SLIT3: variants seen among roughly 807,000 people sequenced by gnomAD.
SLIT3 encodes slit guidance ligand 3.
A neutral mutation model predicts 184.0 loss-of-function variants in SLIT3; 68 were observed. The observed-to-expected ratio is 0.37, with a 90% CI of 0.30 to 0.45. The LOEUF (loss-of-function observed/expected upper bound fraction) is 0.45, where lower values mean the gene tolerates loss of function less well. SLIT3 is among the 20% of genes least tolerant of loss of function. The pLI is 1.00. For synonymous variants in SLIT3, 831 were observed against 828.6 expected (o/e 1.00, Z -0.05); for missense variants, 1,707 against 2,026.0 (o/e 0.84, Z 3.02).
At chr5:169,209,607 T>C (rs1413877782) in intron 3 of SLIT3, among the ~76,000 whole-genome samples, 1 of 152,216 alleles carries the variant, frequency 6.6e-6, no homozygotes, top group Non-Finnish European at 1.5e-5. Flanking sequence ...TGTGGAATAC[T>C]ATGCAGCCAT....
intron 4 of SLIT3, among the ~76,000 whole-genome samples, chr5:169,159,070 G>T (rs1762395288): frequency 6.6e-6 from 1 of 151,576 alleles, no homozygotes; most frequent in South Asian, 2.1e-4. Context: ...ATCACCTGAG[G>T]TCTAAATATA....
intron 4 of SLIT3, among the ~76,000 whole-genome samples, chr5:169,124,943 T>G (rs1761021237): frequency 6.6e-6 from 1 of 152,220 alleles, no homozygotes; most frequent in Admixed American, 6.5e-5. Context: ...CTATTACACA[T>G]TTGGCCAATC....
chr5:169,277,659 A>G (rs956916431), intron 1 of SLIT3, among the ~76,000 whole-genome samples: 5 of 152,210 alleles, frequency 3.3e-5, no homozygotes, highest in Non-Finnish European at 7.3e-5. Flanking sequence ...TCATCTGTTT[A>G]TAGACACTTG....
intron 5 of SLIT3, among the ~76,000 whole-genome samples, chr5:168,846,444 C>T (rs1294980590): frequency 2.0e-5 from 3 of 152,088 alleles, no homozygotes; most frequent in Non-Finnish European, 1.5e-5. Flanking sequence ...CCGCCGACTC[C>T]CTGCAGAGGT....
Position 169,300,864 on chromosome 5 carries a change from G to A in SLIT3, c.-155C>T. On this transcript the variant is annotated 5_prime_UTR_variant, in exon 1 of 36. Coordinates refer to ENST00000519560, the MANE Select transcript of SLIT3 (RefSeq NM_003062.4). The surrounding 1 kb of genome is among the most constrained non-coding windows in gnomAD (Gnocchi z 4.1). ...CTCGGTGCTCAGGCGCACGGGGCGC[G>A]GGCGGAGCGGGGCGCTCCGGGCGGC... is the stretch of plus-strand genomic sequence containing the variant. 1.7e-6 allele frequency: 1 copy of A among 600,666 alleles called. No homozygotes were observed. The highest frequency in any genetic ancestry group is 2.3e-6 in the Non-Finnish European group (1 of 430,590). The allele number at this position is 600,666 out of a possible 1,614,324, so 37.2% of individuals were successfully genotyped here.
intron 27 of SLIT3, among the ~76,000 whole-genome samples, chr5:168,699,583 G>A (rs887038080): frequency 3.3e-5 from 5 of 152,168 alleles, no homozygotes; most frequent in African/African-American, 1.2e-4. Context: ...GGACAGGGAG[G>A]AGAAAAACCT....
rs1459522202 is a variant in SLIT3, at chr5:169,099,858, T to C, written c.413+93621A>G. On this transcript the variant is annotated intron_variant, in intron 4 of 35. Coordinates refer to ENST00000519560, the MANE Select transcript of SLIT3 (RefSeq NM_003062.4). ...GCAATGTTGCAAGGAAAAGATAACA[T>C]CTAAGGTGTGCCCCGAAGGCAAGGA... 2.0e-5 allele frequency among the ~76,000 whole-genome samples: 3 copies of C among 152,236 alleles called. No individual in the cohort carries two copies. The East Asian group carries it at 5.8e-4, about 29-fold the overall frequency.
At chr5:169,281,467 T>A (rs888732109) in intron 1 of SLIT3, among the ~76,000 whole-genome samples, 1 of 152,180 alleles carries the variant, frequency 6.6e-6, no homozygotes, top group Non-Finnish European at 1.5e-5. Flanking sequence ...AGAGCAAGAA[T>A]CTGTCTCAAC....
intron 4 of SLIT3, among the ~76,000 whole-genome samples, chr5:168,981,487 C>A (rs1754945150): frequency 6.6e-6 from 1 of 152,082 alleles, no homozygotes; most frequent in African/African-American, 2.4e-5. Context: ...ATGCGCAGAG[C>A]CTCCCTTATG....
chr5:168,666,409 C>A lies in SLIT3; in HGVS notation c.*45G>T. The A allele has an allele frequency of 6.7e-7, 1 of 1,502,636 alleles. No homozygotes were observed. The highest frequency in any genetic ancestry group is 1.4e-5 in the South Asian group (1 of 74,070). The allele number at this position is 1,502,636 out of a possible 1,614,324, so 93.1% of individuals were successfully genotyped here. A position where few individuals can be genotyped will look rare whatever the true frequency, so the allele number is the denominator to read the frequency against. On this transcript the variant is annotated 3_prime_UTR_variant, in exon 36 of 36. Coordinates refer to ENST00000519560, the MANE Select transcript of SLIT3 (RefSeq NM_003062.4). Reference sequence around the variant, plus strand: ...GGGGTCCCACATGGCTGTCCCAACTCCATCAAGCTGGAGTCCGAGAGGTGG... The same window carrying A: ...GGGGTCCCACATGGCTGTCCCAACTACATCAAGCTGGAGTCCGAGAGGTGG...
chr5:168,760,472 A>G (rs1252312856), intron 16 of SLIT3, among the ~76,000 whole-genome samples: 1 of 152,188 alleles, frequency 6.6e-6, no homozygotes, highest in Non-Finnish European at 1.5e-5. Context: ...GAAAACAGAC[A>G]TTTAACTGTC....
rs1326490943 is a variant in SLIT3 at position 169,251,452 on chromosome 5, C to G, written c.205G>C (p.Asp69His). The G allele has an allele frequency of 6.2e-7, 1 of 1,612,182 alleles. No homozygotes were observed. The highest frequency in any genetic ancestry group is 8.5e-7 in the Non-Finnish European group (1 of 1,178,338). ...GTGATCCTGGTGATATTATTTCTGT[C>G]CAGGTCACTGCAATGGAGAGCAAAT... Reference protein sequence around the residue: ...IPRNAERLDLDRNNITRITKM... With the variant: ...IPRNAERLDLHRNNITRITKM... The change falls in exon 2 of 36, where the codon GAC becomes CAC. Residue 69 changes from aspartate (D) to histidine (H), a missense_variant. Around this residue, in one of 3 missense-constraint regions of SLIT3, gnomAD observed 1,307 missense variants for 1,511.6 expected, o/e 0.86. Transcript: ENST00000519560.
chr5:168,795,603 G>A (rs762805495), intron 9 of SLIT3, 25 bp from the exon 10 acceptor site: 3 of 1,586,896 alleles, frequency 1.9e-6, no homozygotes, highest in East Asian at 4.5e-5. Flanking sequence ...AGAGAAGAGT[G>A]AATTAACCAT....
chr5:168,785,832 G>A (rs1387860719), intron 12 of SLIT3, 75 bp downstream of exon 12: 2 of 1,081,396 alleles, frequency 1.8e-6, no homozygotes, highest in East Asian at 4.7e-5. Context: ...ACTCTCCAGA[G>A]CATGGCTCAA....
At chr5:168,686,094 T>G (rs922710094) in intron 30 of SLIT3, among the ~76,000 whole-genome samples, 167 bp from the exon 31 acceptor site, 1 of 152,172 alleles carries the variant, frequency 6.6e-6, no homozygotes, top group African/African-American at 2.4e-5. Context: ...CAAGACCTTT[T>G]CCTTCTCTAA....
In SLIT3 at chr5:169,244,784, C is replaced by A. The variant is rs781687816; in HGVS notation, c.270-8G>T. 1 of 1,613,244 alleles carries A rather than the reference C, an allele frequency of 6.2e-7. No individual in the cohort carries two copies. Among genetic ancestry groups the A allele is most frequent in the Non-Finnish European group, 8.5e-7 (1 of 1,179,790 alleles). ...TGGTTGTCTTCCAGATGCCTACAAC[C>A]ACAGAGACAGCAATGACTAAGGACA... On this transcript the variant is annotated splice_polypyrimidine_tract_variant and splice_region_variant and intron_variant, in intron 2 of 35. Transcript: ENST00000519560.
At chr5:169,113,689 C>T (rs540582938) in intron 4 of SLIT3, among the ~76,000 whole-genome samples, 121 of 134,964 alleles carry the variant, frequency 9.0e-4, no homozygotes, top group Non-Finnish European at 1.6e-3. Flanking sequence ...TGGAGTCTTG[C>T]TCTGTCTCCA....
intron 1 of SLIT3, among the ~76,000 whole-genome samples, chr5:169,293,341 A>G (rs937131852): frequency 1.3e-5 from 2 of 152,098 alleles, no homozygotes; most frequent in Admixed American, 1.3e-4. Context: ...GATATCATCA[A>G]GCAAAGGAGG....
intron 1 of SLIT3, among the ~76,000 whole-genome samples, chr5:169,294,114 T>C (rs1317719289): frequency 6.6e-6 from 1 of 152,064 alleles, no homozygotes; most frequent in Admixed American, 6.6e-5. Flanking sequence ...TTTTCAGCAG[T>C]CCTAAAAAGG....
Sources: gnomAD v4.1 joint callset for allele counts (sites outside exome capture counted in the v4.1 genomes callset) on GRCh38, gnomAD v4.1.1 for gene constraint, gnomAD v4.1.1 regional missense constraint, Gnocchi (gnomAD v3.1) non-coding constraint, MANE v1.5 for transcripts, NCBI Gene and HGNC (gene_info 2026-07-23, HGNC 2026-07-21) for gene names.